Variants in ANO8 observed in about 807,000 individuals in gnomAD.
ANO8 encodes anoctamin 8, also known as anoctamin-8.
A neutral mutation model predicts 120.4 loss-of-function variants in ANO8; 67 were observed. The ratio of observed to expected loss-of-function variants is 0.56; its 90% CI spans 0.46 to 0.68. ANO8 has a LOEUF of 0.68. ANO8 is among the 30% of genes least tolerant of loss of function. The probability of loss-of-function intolerance (pLI) is 0.00; values close to 1 mark genes in which losing one functional copy is unlikely to be tolerated. For missense variants in ANO8, 1,526 were observed against 1,737.6 expected (o/e 0.88, Z 2.16); for synonymous variants, 727 against 759.2 (o/e 0.96, Z 0.70).
chr19:17,332,459 A>G (rs1215663281), intron 5 of ANO8, among the ~76,000 whole-genome samples: 1 of 152,064 alleles, frequency 6.6e-6, no homozygotes, highest in Non-Finnish European at 1.5e-5. Context: ...AATGGTAAAA[A>G]CTTGCTGTCG....
chr19:17,329,022 G>A (rs1309105930), intron 12 of ANO8, 39 bp from the exon 13 acceptor site: 3 of 1,398,242 alleles, frequency 2.1e-6, no homozygotes, highest in Non-Finnish European at 2.8e-6. Context: ...CGCGTGGGGG[G>A]CAAGCGGGGC....
At chr19:17,330,699 G>T in intron 8 of ANO8, 129 bp downstream of exon 8, 2 of 1,437,550 alleles carry the variant, frequency 1.4e-6, no homozygotes, top group Non-Finnish European at 1.9e-6. Flanking sequence ...CACAGAGCCC[G>T]CCTCGGTTTG....
intron 8 of ANO8, 143 bp from the exon 9 acceptor site, chr19:17,330,647 C>G (rs1181967499): frequency 7.2e-7 from 1 of 1,388,776 alleles, no homozygotes; most frequent in Non-Finnish European, 9.6e-7. Flanking sequence ...GCACTGTTCC[C>G]AGTCCCTCAA....
rs770502562 is a variant in ANO8 at position 17,330,466 on chromosome 19, C to T, written c.1032G>A (p.Glu344=). 9 of 1,556,040 alleles carry T rather than the reference C, an allele frequency of 5.8e-6. No homozygotes were observed. The highest frequency in any genetic ancestry group is 7.8e-6 in the Non-Finnish European group (9 of 1,150,208). ...GCCGCTTCCAGGGCGGGTAGTAGAA[C>T]TCCTCGGCCCGCGTGATGGGGCTGA... is the stretch of plus-strand genomic sequence containing the variant. ...RRISPITRAE[E]FYYPPWKRLL... is the part of the protein sequence containing the mutation. The change falls in exon 9 of 18, where the codon GAG becomes GAA. Residue 344 remains glutamate (E), a synonymous_variant. Coordinates refer to ENST00000159087, the MANE Select transcript of ANO8 (RefSeq NM_020959.3).
rs763249020 is a variant in ANO8 at position 17,325,376 on chromosome 19, C to A, written c.2672G>T (p.Arg891Leu). The change falls in exon 17 of 18, where the codon CGC becomes CTC. Residue 891 changes from arginine to leucine, a missense_variant. By Grantham distance (102) the Arg-to-Leu change is moderately radical (BLOSUM62 -2). This residue lies in a region of ANO8 where 489 missense variants were observed against 548.6 expected (regional missense o/e 0.89). Coordinates refer to ENST00000159087, the MANE Select transcript of ANO8 (RefSeq NM_020959.3). ...CTGCTGGTAGCGATGCTGGGCCTGG[C>A]GCTCGTGTCTCTGCAGGTAGAGCCA... ...QRREAFKRHERQAQHRYQQQQ... is the reference protein window; with the variant it reads ...QRREAFKRHELQAQHRYQQQQ... 2.5e-6 allele frequency: 4 copies of A among 1,585,068 alleles called. No individual in the cohort carries two copies. The Admixed American group carries it at 6.8e-5, about 27-fold the overall frequency.
chr19:17,323,736 C>T lies in ANO8; in HGVS notation c.3480G>A (p.Glu1160=). ...QWDGPWGCGG[E]GAAPRQALAA... ...CCAGGGCCTGGCGGGGGGCGGCACC[C>T]TCGCCCCCGCAGCCCCAGGGCCCGT... The change falls in exon 18 of 18, where the codon GAG becomes GAA. Residue 1160 remains glutamate (E), a synonymous_variant. Transcript: ENST00000159087. The T allele has an allele frequency of 1.7e-6, 2 of 1,205,066 alleles. No homozygotes were observed. The highest frequency in any genetic ancestry group is 1.0e-6 in the Non-Finnish European group (1 of 970,088). The allele number at this position is 1,205,066 out of a possible 1,614,324, so 74.6% of individuals were successfully genotyped here. A position where few individuals can be genotyped will look rare whatever the true frequency, so the allele number is the denominator to read the frequency against.
chr19:17,327,595 C>T, intron 14 of ANO8, 26 bp from the exon 15 acceptor site: 3 of 1,611,972 alleles, frequency 1.9e-6, no homozygotes, highest in Non-Finnish European at 8.5e-7. Flanking sequence ...AGGGCTCAGG[C>T]GGGGTCCAGC....
Position 17,330,335 on chromosome 19 carries a change from AG to A in ANO8, c.1146+16del. On this transcript the variant is annotated intron_variant, in intron 9 of 17. Transcript: ENST00000159087. ...CTAGGTACCAAGGACAGGGCGGGTG[AG>A]GGTATGGGGGGTCACCTGCAGCTGG... 6.2e-7 allele frequency: 1 copy of A among 1,607,184 alleles called. No homozygotes were observed. The highest frequency in any genetic ancestry group is 1.3e-5 in the African/African-American group (1 of 74,920).
chr19:17,329,041 CG>C, intron 12 of ANO8, 58 bp from the exon 13 acceptor site: 2 of 1,341,068 alleles, frequency 1.5e-6, no homozygotes, highest in Admixed American at 3.0e-5. Flanking sequence ...GCGCCGGGAT[CG>C]GGGGACTCAC....
In ANO8 at chr19:17,332,468, C is replaced by G. The variant is rs551415640; in HGVS notation, c.586+462G>C. ...CTGAGGAATGGTAAAAACTTGCTGT[C>G]GGAAGGTGAACTTGGGTGCCTAGTT... On this transcript the variant is annotated intron_variant, in intron 5 of 17. Transcript: ENST00000159087. Among the ~76,000 whole-genome samples, 15 of 152,228 alleles carry G rather than the reference C, an allele frequency of 9.9e-5. 1 individual carries two copies. The South Asian group carries it at 3.1e-3, about 32-fold the overall frequency.
Position 17,323,375 on chromosome 19 carries a change from T to C in ANO8, c.*142A>G. On this transcript the variant is annotated 3_prime_UTR_variant, in exon 18 of 18. Coordinates refer to ENST00000159087, the MANE Select transcript of ANO8 (RefSeq NM_020959.3). Reference sequence around the variant, plus strand: ...GTTGGATTTGTGGGTTTCCTTTCGTTTGGAAAGGAAAACGGCAGATGGGGG... The same window carrying C: ...GTTGGATTTGTGGGTTTCCTTTCGTCTGGAAAGGAAAACGGCAGATGGGGG... The C allele has an allele frequency of 1.5e-6, 1 of 677,940 alleles. No homozygotes were observed. Among genetic ancestry groups the C allele is most frequent in the Non-Finnish European group, 2.1e-6 (1 of 471,116 alleles). The allele number at this position is 677,940 out of a possible 1,614,324, so 42.0% of individuals were successfully genotyped here. A position where few individuals can be genotyped will look rare whatever the true frequency, so the allele number is the denominator to read the frequency against.
In ANO8 at chr19:17,333,396, C is replaced by G. The variant is rs377666887; in HGVS notation, c.350+26G>C. On this transcript the variant is annotated intron_variant, in intron 3 of 17. Transcript: ENST00000159087. The surrounding 1 kb of genome is among the most constrained non-coding windows in gnomAD (Gnocchi z 7.2). ...GCGGGGAGTCGGGTGGCAGGCTCAG[C>G]GAGAGGCCAGGGACAGGGGACTCGC... 6.3e-5 allele frequency: 101 copies of G among 1,613,134 alleles called. 1 individual carries two copies. In the Middle Eastern group the frequency reaches 6.6e-4, roughly 11 times the overall value.
Position 17,333,320 on chromosome 19 carries a change from C to T in ANO8, c.351-81G>A. 2 of 1,603,010 alleles carry T rather than the reference C, an allele frequency of 1.2e-6. No individual in the cohort carries two copies. The highest frequency in any genetic ancestry group is 1.3e-5 in the African/African-American group (1 of 74,908). On this transcript the variant is annotated intron_variant, in intron 3 of 17. Coordinates refer to ENST00000159087, the MANE Select transcript of ANO8 (RefSeq NM_020959.3). The surrounding 1 kb of genome is among the most constrained non-coding windows in gnomAD (Gnocchi z 7.2). ...GAGCTGAGGATGGTGCACCTGGCAGCCTTTGGGACAAACGCAGGGCGGCTG... is the reference window on the plus strand; with the variant it reads ...GAGCTGAGGATGGTGCACCTGGCAGTCTTTGGGACAAACGCAGGGCGGCTG...
chr19:17,323,907 T>C, intron 17 of ANO8, 23 bp from the exon 18 acceptor site: 1 of 1,112,700 alleles, frequency 9.0e-7, no homozygotes, highest in Non-Finnish European at 1.1e-6. Flanking sequence ...GAGGGGCCGT[T>C]CCGGGGGGAT....
rs1474941842 is a variant in ANO8 at position 17,334,807 on chromosome 19, G to A, written c.-137C>T. On this transcript the variant is annotated 5_prime_UTR_variant, in exon 1 of 18. Transcript: ENST00000159087. ...CCCGCCCGCGCCGGCCTCGGTCCTC[G>A]CTCGCCCGAGCGCTGCTTCTCGTCC... The A allele has an allele frequency of 1.7e-6, 2 of 1,204,766 alleles. No individual in the cohort carries two copies. The highest frequency in any genetic ancestry group is 3.1e-5 in the Admixed American group (1 of 31,888). The allele number at this position is 1,204,766 out of a possible 1,614,324, so 74.6% of individuals were successfully genotyped here. A position where few individuals can be genotyped will look rare whatever the true frequency, so the allele number is the denominator to read the frequency against.
Position 17,323,313 on chromosome 19 carries a change from G to C in ANO8, c.*204C>G, listed in dbSNP as rs972951904. ...AAACAAATAAATAATCGCCTGTTCTGTGTGTGTGTGTGTGTGTGTGTGTGT... is the reference window on the plus strand; with the variant it reads ...AAACAAATAAATAATCGCCTGTTCTCTGTGTGTGTGTGTGTGTGTGTGTGT... On this transcript the variant is annotated 3_prime_UTR_variant, in exon 18 of 18. Transcript: ENST00000159087. The C allele has an allele frequency of 1.1e-4, 22 of 195,646 alleles. No homozygotes were observed. Among genetic ancestry groups the C allele is most frequent in the Non-Finnish European group, 1.7e-4 (20 of 117,540 alleles). 12.1% of individuals were successfully genotyped at this position (195,646 alleles called of 1,614,324 possible).
rs934918288 is a variant in ANO8, at chr19:17,334,796, C to T, written c.-126G>A. ...CAAAGGCCGCGCCCGCCCGCGCCGG[C>T]CTCGGTCCTCGCTCGCCCGAGCGCT... On this transcript the variant is annotated 5_prime_UTR_variant, in exon 1 of 18. Transcript: ENST00000159087. The T allele has an allele frequency of 8.6e-7, 1 of 1,164,252 alleles. No homozygotes were observed. The highest frequency in any genetic ancestry group is 1.1e-6 in the Non-Finnish European group (1 of 877,214). 72.1% of individuals were successfully genotyped at this position (1,164,252 alleles called of 1,614,324 possible).
chr19:17,327,683 C>T lies in ANO8; in HGVS notation c.2418+6G>A. On this transcript the variant is annotated splice_donor_region_variant and intron_variant, in intron 14 of 17. Coordinates refer to ENST00000159087, the MANE Select transcript of ANO8 (RefSeq NM_020959.3). ...CCTCAGCTCGGATCTCTTGGCTTCC[C>T]CCCACCTGCCACTGGCCGATGCTTT... 1 of 1,611,872 alleles carries T rather than the reference C, an allele frequency of 6.2e-7. No individual in the cohort carries two copies. Among genetic ancestry groups the T allele is most frequent in the Non-Finnish European group, 8.5e-7 (1 of 1,178,760 alleles).
chr19:17,328,060 G>A (rs2145686014), intron 13 of ANO8, 102 bp downstream of exon 13: 3 of 1,364,490 alleles, frequency 2.2e-6, no homozygotes, highest in Non-Finnish European at 2.9e-6. Flanking sequence ...AACATCAATG[G>A]CCCTGTTATC....
Sources: gnomAD v4.1 joint callset for allele counts (sites outside exome capture counted in the v4.1 genomes callset) on GRCh38, gnomAD v4.1.1 for gene constraint, gnomAD v4.1.1 regional missense constraint, Gnocchi (gnomAD v3.1) non-coding constraint, MANE v1.5 for transcripts, NCBI Gene and HGNC (gene_info 2026-07-23, HGNC 2026-07-21) for gene names.